Variants in TAF4 observed in about 807,000 individuals in gnomAD.
TAF4 encodes transcription initiation factor TFIID subunit 4.
A neutral mutation model predicts 90.3 loss-of-function variants in TAF4; 9 were observed. The observed-to-expected ratio is 0.10, with a 90% CI of 0.06 to 0.17. TAF4 has a LOEUF of 0.17. Ranked by LOEUF, TAF4 falls within the 10% of genes least tolerant of loss-of-function variation. The pLI is 1.00. For synonymous variants in TAF4, 818 were observed against 638.9 expected (o/e 1.28, Z -4.23); for missense variants, 1,351 against 1,370.7 (o/e 0.99, Z 0.23).
chr20:61,975,902 G>A lies in TAF4; in HGVS notation c.*266C>T. On this transcript the variant is annotated 3_prime_UTR_variant, in exon 15 of 15. Transcript: ENST00000252996. ...TAATTATTTGCTAACGATTCCATCA[G>A]TCTTTATATATGGCTTGTTTGGCAG... 2.1e-6 allele frequency: 1 copy of A among 469,150 alleles called. No individual in the cohort carries two copies. The highest frequency in any genetic ancestry group is 3.1e-5 in the South Asian group (1 of 32,482). 29.1% of individuals were successfully genotyped at this position (469,150 alleles called of 1,614,324 possible). A position where few individuals can be genotyped will look rare whatever the true frequency, so the allele number is the denominator to read the frequency against.
chr20:62,035,698 A>G (rs1400416006), intron 1 of TAF4, among the ~76,000 whole-genome samples: 1 of 152,250 alleles, frequency 6.6e-6, no homozygotes, highest in Non-Finnish European at 1.5e-5. Flanking sequence ...AGGAGACAAT[A>G]GATACATTCA....
In TAF4 at chr20:62,007,529, C is replaced by T. The variant is rs749099168; in HGVS notation, c.1974+18G>A. On this transcript the variant is annotated intron_variant, in intron 6 of 14. Transcript: ENST00000252996. ...CCCTGGCCCTACTGCTCGCAGGCAC[C>T]GGGGCCTTTGAAATTACCTTCAGGA... is the stretch of plus-strand genomic sequence containing the variant. 12 of 1,612,282 alleles carry T rather than the reference C, an allele frequency of 7.4e-6. No homozygotes were observed. The East Asian group carries it at 8.9e-5, about 12-fold the overall frequency.
chr20:61,983,236 C>T (rs2055561748), intron 14 of TAF4, among the ~76,000 whole-genome samples: 1 of 149,568 alleles, frequency 6.7e-6, no homozygotes, highest in South Asian at 2.1e-4. Flanking sequence ...AGGGCGTCGT[C>T]ACTAGTTTAA....
intron 1 of TAF4, among the ~76,000 whole-genome samples, chr20:62,028,233 A>C (rs1486732802): frequency 6.6e-6 from 1 of 152,160 alleles, no homozygotes; most frequent in Non-Finnish European, 1.5e-5. Flanking sequence ...CTTTTTGCCT[A>C]CCAGGGCTTC....
At position 61,983,292 on chromosome 20, in the gene TAF4, C is replaced by CAA. The variant is rs60160264; in HGVS notation, c.3091-6959_3091-6958dup. Among the ~76,000 whole-genome samples the CAA allele has an allele frequency of 2.3e-3, 237 of 104,950 alleles. 2 individuals are homozygous for CAA. In the East Asian group the frequency reaches 0.025, roughly 11 times the overall value. 68.9% of individuals were successfully genotyped at this position (104,950 alleles called of 152,430 possible). On this transcript the variant is annotated intron_variant, in intron 14 of 14. Transcript: ENST00000252996. ...ACACAGATACAAACCTTCCTAAATA[C>CAA]AAAAAAAAAAAAAAAATCAATTAAA...
At chr20:62,063,682 G>A (rs1188390417) in intron 1 of TAF4, among the ~76,000 whole-genome samples, 1 of 152,204 alleles carries the variant, frequency 6.6e-6, no homozygotes, top group Non-Finnish European at 1.5e-5. Flanking sequence ...GCCCTCCCGA[G>A]GGGGCAGCAA....
chr20:62,051,717 G>A (rs1218003412), intron 1 of TAF4, among the ~76,000 whole-genome samples: 1 of 152,126 alleles, frequency 6.6e-6, no homozygotes, highest in Non-Finnish European at 1.5e-5. Context: ...CCTGGCCCCT[G>A]CCATGGCACC....
At chr20:62,007,932 C>T in intron 5 of TAF4, 1 of 260,840 alleles carries the variant, frequency 3.8e-6, no homozygotes, top group Non-Finnish European at 7.3e-6. Context: ...TCAGTGCTTA[C>T]CAGGCACCTA....
chr20:62,008,011 G>C (rs1384381797), intron 5 of TAF4: 2 of 176,012 alleles, frequency 1.1e-5, no homozygotes, highest in Non-Finnish European at 2.4e-5. Flanking sequence ...AGCCAGCACT[G>C]CAAGTGCGGT....
chr20:62,030,747 T>A (rs540035335), intron 1 of TAF4, among the ~76,000 whole-genome samples: 1 of 152,342 alleles, frequency 6.6e-6, no homozygotes, highest in African/African-American at 2.4e-5. Flanking sequence ...TGAATTGTCT[T>A]ATCTACTTTT....
chr20:62,064,964 GC>G lies in TAF4; in HGVS notation c.846del (p.Pro283ArgfsTer126). 2.3e-6 allele frequency: 1 copy of G among 427,992 alleles called. No homozygotes were observed. Among genetic ancestry groups the G allele is most frequent in the Non-Finnish European group, 3.0e-6 (1 of 331,532 alleles). The allele number at this position is 427,992 out of a possible 1,614,324, so 26.5% of individuals were successfully genotyped here. A position where few individuals can be genotyped will look rare whatever the true frequency, so the allele number is the denominator to read the frequency against. On this transcript the variant is annotated frameshift_variant, in exon 1 of 15. Coordinates refer to ENST00000252996, the MANE Select transcript of TAF4 (RefSeq NM_003185.4). LOFTEE classifies it high-confidence loss of function. ...PPPPAPATLARPPGHPAGPPT... is the reference protein window; with the variant it reads ...PPPPAPATLAXPPGHPAGPPT... ...GGGGGTCCGGCGGGGTGGCCGGGCG[GC>G]CGGGCCAGAGTGGCGGGCGCGGGGG...
intron 1 of TAF4, among the ~76,000 whole-genome samples, chr20:62,039,511 AATTT>A (rs1026194677): frequency 2.0e-5 from 3 of 152,186 alleles, no homozygotes; most frequent in African/African-American, 7.2e-5. Context: ...GTTAGGCAAA[AATTT>A]ATTTAAGAAG....
intron 1 of TAF4, among the ~76,000 whole-genome samples, chr20:62,029,211 A>C (rs1240221266): frequency 6.6e-6 from 1 of 151,976 alleles, no homozygotes. Context: ...AAAAAAAAAA[A>C]ACTTAGGAAT....
At position 62,003,248 on chromosome 20, in the gene TAF4, G is replaced by A; in HGVS notation, c.2398C>T (p.Pro800Ser). 1 of 1,614,152 alleles carries A rather than the reference G, an allele frequency of 6.2e-7. No homozygotes were observed. The highest frequency in any genetic ancestry group is 1.3e-5 in the African/African-American group (1 of 75,042). ...ACAGCAGAAAGGGCTTTGGTTCCAG[G>A]TAACACGGCGGGTTTCACCACAGGG... ...PVPVVKPAVL[P>S]GTKALSAVSA... The change falls in exon 9 of 15, where the codon CCT becomes TCT. Residue 800 changes from proline (P) to serine (S), a missense_variant. Coordinates refer to ENST00000252996, the MANE Select transcript of TAF4 (RefSeq NM_003185.4).
Position 61,976,025 on chromosome 20 carries a change from A to T in TAF4, c.*143T>A. 1 of 863,202 alleles carries T rather than the reference A, an allele frequency of 1.2e-6. No individual in the cohort carries two copies. The highest frequency in any genetic ancestry group is 1.8e-6 in the Non-Finnish European group (1 of 561,194). 53.5% of individuals were successfully genotyped at this position (863,202 alleles called of 1,614,324 possible). A position where few individuals can be genotyped will look rare whatever the true frequency, so the allele number is the denominator to read the frequency against. On this transcript the variant is annotated 3_prime_UTR_variant, in exon 15 of 15. Transcript: ENST00000252996. ...CTGTTACAGAAACGTGTTTTCTTTC[A>T]CACTGAAGAGCTGATTTAGAAACAG...
chr20:62,062,721 A>G (rs926031129), intron 1 of TAF4, among the ~76,000 whole-genome samples: 6 of 152,192 alleles, frequency 3.9e-5, no homozygotes, highest in Non-Finnish European at 8.8e-5. Flanking sequence ...ATCACTCATG[A>G]TAAACACAGC....
chr20:62,039,738 TTCTA>T (rs2055953327), intron 1 of TAF4, among the ~76,000 whole-genome samples: 1 of 152,322 alleles, frequency 6.6e-6, no homozygotes, highest in East Asian at 1.9e-4. Context: ...TACAGAACAA[TTCTA>T]TCTGATAAAT....
At chr20:62,060,328 C>A (rs1009921115) in intron 1 of TAF4, among the ~76,000 whole-genome samples, 3 of 152,250 alleles carry the variant, frequency 2.0e-5, no homozygotes, top group African/African-American at 4.8e-5. Context: ...ATCCTCTGTT[C>A]AAACTCATAG....
intron 1 of TAF4, among the ~76,000 whole-genome samples, chr20:62,027,987 T>C (rs1052947943): frequency 2.6e-5 from 4 of 152,246 alleles, no homozygotes; most frequent in African/African-American, 9.6e-5. Context: ...TGTATCATTC[T>C]GAATTGCATT....
Sources: allele counts gnomAD v4.1 joint callset (sites outside exome capture counted in the v4.1 genomes callset), GRCh38; gene constraint gnomAD v4.1.1; transcripts MANE v1.5; gene names NCBI Gene and HGNC (gene_info 2026-07-23, HGNC 2026-07-21).